DMXL1: variants seen among roughly 807,000 people sequenced by gnomAD.
DMXL1 encodes dmX-like protein 1.
In DMXL1, 99 loss-of-function variants were observed where a neutral mutation model predicts 319.2. The observed-to-expected ratio is 0.31, with a 90% CI of 0.26 to 0.37. The LOEUF (loss-of-function observed/expected upper bound fraction) is 0.37, where lower values mean the gene tolerates loss of function less well. DMXL1 is among the 10% of genes least tolerant of loss of function. The probability of loss-of-function intolerance (pLI) is 1.00; values close to 1 mark genes in which losing one functional copy is unlikely to be tolerated. For missense variants in DMXL1, 3,745 were observed against 3,595.6 expected, an observed-to-expected ratio of 1.04 and a Z score of -1.06; for synonymous variants, 1,385 against 1,235.2, an observed-to-expected ratio of 1.12 and a Z score of -2.54.
rs780539211 is a variant in DMXL1, at chr5:119,152,015, C to T, written c.4681C>T (p.Arg1561Ter). Residue 1561 changes from arginine to a stop codon, truncating the protein, a stop_gained, in exon 19 of 44, where the codon CGA becomes TGA. Transcript: ENST00000539542. LOFTEE classifies it high-confidence loss of function. Reference protein sequence around the residue: ...TFLTTSLPAYRAQLLHQGLST... With the variant: ...TFLTTSLPAY ...TCTTACAACTTCCCTTCCAGCCTATCGAGCTCAACTCCTTCACCAAGGTGA... is the reference window on the plus strand; with the variant it reads ...TCTTACAACTTCCCTTCCAGCCTATTGAGCTCAACTCCTTCACCAAGGTGA... 6.2e-7 allele frequency: 1 copy of T among 1,611,470 alleles called. No individual in the cohort carries two copies. Among genetic ancestry groups the T allele is most frequent in the East Asian group, 2.2e-5 (1 of 44,728 alleles).
chr5:119,134,513 A>AT (rs1765576479), intron 13 of DMXL1, 124 bp downstream of exon 13: 4 of 832,110 alleles, frequency 4.8e-6, no homozygotes, highest in South Asian at 2.1e-5. Flanking sequence ...TCTTTGTTTT[A>AT]TTTTTTCACA....
At chr5:119,119,206 C>G (rs766294288) in intron 8 of DMXL1, among the ~76,000 whole-genome samples, 3 of 152,144 alleles carry the variant, frequency 2.0e-5, no homozygotes, top group Non-Finnish European at 2.9e-5. Flanking sequence ...TGAAGTTACT[C>G]TTAGGTTTAC....
intron 1 of DMXL1, among the ~76,000 whole-genome samples, chr5:119,079,077 A>T (rs886933687): frequency 6.6e-6 from 1 of 152,146 alleles, no homozygotes; most frequent in Non-Finnish European, 1.5e-5. Flanking sequence ...TGGAAAATAA[A>T]GTCATGTTTG....
rs189363433 is a variant in DMXL1, at chr5:119,196,331, A to G, written c.7458-40A>G. 3.7e-4 allele frequency: 549 copies of G among 1,485,372 alleles called. 3 individuals are homozygous for G. In the African/African-American group the frequency reaches 6.6e-3, roughly 18 times the overall value. 92.0% of individuals were successfully genotyped at this position (1,485,372 alleles called of 1,614,324 possible). A position where few individuals can be genotyped will look rare whatever the true frequency, so the allele number is the denominator to read the frequency against. On this transcript the variant is annotated intron_variant, in intron 30 of 43. Coordinates refer to ENST00000539542, the MANE Select transcript of DMXL1 (RefSeq NM_001290321.3). ...GGGTAGTATACTCTTCTAAATCCCT[A>G]TAGAAATAGTTAACAGATCCATCGT...
At chr5:119,169,021 C>T (rs1366040682) in intron 23 of DMXL1, among the ~76,000 whole-genome samples, 1 of 152,134 alleles carries the variant, frequency 6.6e-6, no homozygotes, top group Non-Finnish European at 1.5e-5. Context: ...CCCACCCCAG[C>T]GTCCTGAGTA....
chr5:119,155,912 A>G (rs1770944311), intron 19 of DMXL1, among the ~76,000 whole-genome samples: 2 of 152,058 alleles, frequency 1.3e-5, no homozygotes, highest in South Asian at 4.1e-4. Flanking sequence ...TTAAGGTGGA[A>G]TCTATTCCTG....
At chr5:119,124,183 C>A (rs2149984549) in intron 9 of DMXL1, among the ~76,000 whole-genome samples, 1 of 151,852 alleles carries the variant, frequency 6.6e-6, no homozygotes, top group South Asian at 2.1e-4. Flanking sequence ...GGTGTGGTGG[C>A]AGGCACCTGT....
intron 28 of DMXL1, among the ~76,000 whole-genome samples, chr5:119,179,315 A>T (rs1256903205): frequency 1.3e-5 from 2 of 151,776 alleles, no homozygotes; most frequent in African/African-American, 4.8e-5. Flanking sequence ...CCAAAAAAAA[A>T]AAAAAAAGCC....
At chr5:119,240,553 G>A (rs961425874) in intron 42 of DMXL1, 82 bp downstream of exon 42, 1 of 1,010,938 alleles carries the variant, frequency 9.9e-7, no homozygotes, top group African/African-American at 1.6e-5. Flanking sequence ...ATTTGTTACT[G>A]ATGACACATA....
chr5:119,221,132 C>G, intron 37 of DMXL1, 51 bp downstream of exon 37: 1 of 1,393,890 alleles, frequency 7.2e-7, no homozygotes, highest in Non-Finnish European at 9.8e-7. Context: ...TTATTTTTCC[C>G]TCTAGGTTAA....
intron 13 of DMXL1, among the ~76,000 whole-genome samples, chr5:119,136,919 G>C (rs1313376020): frequency 6.6e-6 from 1 of 152,280 alleles, no homozygotes; most frequent in Non-Finnish European, 1.5e-5. Flanking sequence ...AGTGGAGTTG[G>C]AGCGTCCCAC....
intron 38 of DMXL1, among the ~76,000 whole-genome samples, chr5:119,225,480 C>T (rs143995070): frequency 1.6e-4 from 24 of 151,862 alleles, no homozygotes; most frequent in African/African-American, 4.8e-4. Flanking sequence ...TTATGCCCTT[C>T]GTCAAATTGT....
chr5:119,203,328 C>G lies in DMXL1; in HGVS notation c.7755C>G (p.His2585Gln), dbSNP rs969876249. ...EPTNTPFKSKHHLALSVKRLW... is the reference protein window; with the variant it reads ...EPTNTPFKSKQHLALSVKRLW... ...CTGTCTCTCTCTGTAGATCCAAACACCATCTGGCACTGTCTGTGAAGAGGC... is the reference window on the plus strand; with the variant it reads ...CTGTCTCTCTCTGTAGATCCAAACAGCATCTGGCACTGTCTGTGAAGAGGC... The change falls in exon 33 of 44, where the codon CAC becomes CAG. Residue 2585 changes from histidine to glutamine, a missense_variant. Transcript: ENST00000539542. The G allele has an allele frequency of 1.9e-6, 3 of 1,577,726 alleles. No homozygotes were observed. Among genetic ancestry groups the G allele is most frequent in the Non-Finnish European group, 2.6e-6 (3 of 1,166,462 alleles).
At chr5:119,147,019 A>G in intron 16 of DMXL1, 63 bp downstream of exon 16, 1 of 1,563,438 alleles carries the variant, frequency 6.4e-7, no homozygotes, top group Non-Finnish European at 8.7e-7. Flanking sequence ...ATTACACAAA[A>G]TTAGATAATT....
At chr5:119,110,638 C>T (rs1759368919) in intron 5 of DMXL1, among the ~76,000 whole-genome samples, 1 of 152,140 alleles carries the variant, frequency 6.6e-6, no homozygotes, top group Admixed American at 6.5e-5. Flanking sequence ...GAACATAATC[C>T]TTGCCAAAAT....
rs1425332802 is a variant in DMXL1, at chr5:119,221,008, C to T, written c.8204C>T (p.Thr2735Ile). Residue 2735 changes from threonine to isoleucine, a missense_variant, in exon 37 of 44, where the codon ACA becomes ATA. Physicochemically the swap from Thr to Ile is moderately conservative, Grantham distance 89. This residue lies in a region of DMXL1 where 1,382 missense variants were observed against 1,269.5 expected (regional missense o/e 1.09). Coordinates refer to ENST00000539542, the MANE Select transcript of DMXL1 (RefSeq NM_001290321.3). ...LTAVQGTTPY[T>I]HSNPGTPINM... is the part of the protein sequence containing the mutation. ...GCTGTTCAAGGTACAACTCCATATA[C>T]ACATAGCAATCCTGGCACTCCAATC... 1.2e-6 allele frequency: 2 copies of T among 1,613,760 alleles called. No individual in the cohort carries two copies. Among genetic ancestry groups the T allele is most frequent in the South Asian group, 2.2e-5 (2 of 91,068 alleles).
intron 28 of DMXL1, among the ~76,000 whole-genome samples, chr5:119,183,247 A>G (rs1561818214): frequency 6.6e-6 from 1 of 152,210 alleles, no homozygotes; most frequent in Non-Finnish European, 1.5e-5. Flanking sequence ...TTCTGTATTC[A>G]GTAGTCAGTG....
intron 3 of DMXL1, among the ~76,000 whole-genome samples, chr5:119,103,613 A>C (rs1418468906): frequency 6.6e-6 from 1 of 152,166 alleles, no homozygotes; most frequent in Admixed American, 6.5e-5. Flanking sequence ...ATTTCATAGA[A>C]ATAGTGTTCA....
At chr5:119,076,079 CAGAA>C (rs1177446385) in intron 1 of DMXL1, among the ~76,000 whole-genome samples, 2 of 151,900 alleles carry the variant, frequency 1.3e-5, no homozygotes, top group Non-Finnish European at 2.9e-5. Context: ...TTCCAAGAGA[CAGAA>C]AGATTGTACC....
Sources: gnomAD v4.1 joint callset for allele counts (sites outside exome capture counted in the v4.1 genomes callset) on GRCh38, gnomAD v4.1.1 for gene constraint, gnomAD v4.1.1 regional missense constraint, MANE v1.5 for transcripts, NCBI Gene and HGNC (gene_info 2026-07-23, HGNC 2026-07-21) for gene names.